TRMT9B: variants seen among roughly 807,000 people sequenced by gnomAD.
TRMT9B encodes probable tRNA methyltransferase 9B.
A neutral mutation model predicts 11.5 loss-of-function variants in TRMT9B; 16 were observed. That is an observed-to-expected ratio of 1.39 (90% confidence interval 0.94 to 2.11). The LOEUF is 2.11. Among genes scored for constraint, TRMT9B ranks in the 30% most tolerant of loss-of-function variants. The pLI is 0.00. For missense variants in TRMT9B, 941 were observed against 553.8 expected (o/e 1.70, Z -7.02); for synonymous variants, 274 against 192.4 (o/e 1.42, Z -3.51).
At chr8:12,967,100 G>A (rs1802925989) in intron 1 of TRMT9B, among the ~76,000 whole-genome samples, 1 of 152,188 alleles carries the variant, frequency 6.6e-6, no homozygotes, top group Non-Finnish European at 1.5e-5. Flanking sequence ...TTGAGAAGCA[G>A]AAATGTTTTA....
chr8:12,989,174 G>T (rs1806877603), intron 1 of TRMT9B, among the ~76,000 whole-genome samples: 1 of 152,096 alleles, frequency 6.6e-6, no homozygotes, highest in Non-Finnish European at 1.5e-5. Context: ...TATTTCAGAA[G>T]GTTTAAGGTA....
intron 2 of TRMT9B, among the ~76,000 whole-genome samples, chr8:12,994,214 T>C (rs1807920712): frequency 6.6e-6 from 1 of 152,224 alleles, no homozygotes; most frequent in South Asian, 2.1e-4. Flanking sequence ...ATAGTGGTCA[T>C]ATGTGTGTGC....
chr8:12,999,298 C>CAAAA (rs71207111), intron 2 of TRMT9B, among the ~76,000 whole-genome samples: 2 of 47,626 alleles, frequency 4.2e-5, no homozygotes, highest in Admixed American at 2.5e-4. Flanking sequence ...GACTCCATCT[C>CAAAA]AAAAAAAAAA....
rs564924183 is a variant in TRMT9B at position 12,992,697 on chromosome 8, A to T, written c.-2+1666A>T. Among the ~76,000 whole-genome samples, 7 of 151,712 alleles carry T rather than the reference A, an allele frequency of 4.6e-5. No homozygotes were observed. The South Asian group carries it at 1.5e-3, about 32-fold the overall frequency. On this transcript the variant is annotated intron_variant, in intron 2 of 4. Transcript: ENST00000524591. ...TGAAAACCCATCTCTACTAAAATACAAAAAAAGAAAAAAAAAAGCCAGGTG... is the reference window on the plus strand; with the variant it reads ...TGAAAACCCATCTCTACTAAAATACTAAAAAAGAAAAAAAAAAGCCAGGTG...
At chr8:13,015,529 T>A (rs1260793217) in intron 4 of TRMT9B, among the ~76,000 whole-genome samples, 1 of 150,814 alleles carries the variant, frequency 6.6e-6, no homozygotes. Flanking sequence ...TTTTTTCTAA[T>A]TTTTTTTGTA....
At chr8:12,978,504 AGATGATAGATAGAT>A (rs999885485) in intron 1 of TRMT9B, among the ~76,000 whole-genome samples, 4 of 28,522 alleles carry the variant, frequency 1.4e-4, no homozygotes, top group African/African-American at 5.9e-4. Context: ...AGAGATAGAC[AGATGATAGATAGAT>A]GATAGATAGA....
At chr8:12,962,527 A>G (rs1192359064) in intron 1 of TRMT9B, among the ~76,000 whole-genome samples, 1 of 151,780 alleles carries the variant, frequency 6.6e-6, no homozygotes, top group Non-Finnish European at 1.5e-5. Flanking sequence ...GTTCCCCTCT[A>G]TCACCCAGGC....
chr8:12,952,513 G>A (rs1226070109), intron 1 of TRMT9B, among the ~76,000 whole-genome samples: 2 of 152,240 alleles, frequency 1.3e-5, no homozygotes, highest in Non-Finnish European at 1.5e-5. Context: ...TCAGAATTCA[G>A]AGATAAAGGA....
chr8:12,952,233 G>C, intron 1 of TRMT9B: 1 of 443,992 alleles, frequency 2.3e-6, no homozygotes, highest in South Asian at 1.6e-5. Context: ...GTCTGCATAG[G>C]GGAGCGGAGA....
chr8:12,998,968 C>CTATCCCTGT (rs1274989832), intron 2 of TRMT9B, among the ~76,000 whole-genome samples: 1 of 152,166 alleles, frequency 6.6e-6, no homozygotes, highest in Non-Finnish European at 1.5e-5. Context: ...GTCCACCTCT[C>CTATCCCTGT]TATCCCTGTT....
In TRMT9B at chr8:13,021,194, C is replaced by A. The variant is rs1166375847; in HGVS notation, c.515C>A (p.Ser172Tyr). Residue 172 changes from serine to tyrosine, a missense_variant, in exon 5 of 5, where the codon TCC (serine) becomes TAC (tyrosine). Transcript: ENST00000524591. ...CTGTGTTCCCAGCTCTTCTCAGAGT[C>A]CAGCCAGTCTGGGAGGAAGAGGCAG... ...RALCSQLFSE[S>Y]SQSGRKRQCG... The A allele has an allele frequency of 5.0e-6, 8 of 1,613,716 alleles. No individual in the cohort carries two copies. Among genetic ancestry groups the A allele is most frequent in the South Asian group, 1.1e-5 (1 of 91,014 alleles).
At chr8:13,017,590 T>C (rs2466250) in intron 4 of TRMT9B, among the ~76,000 whole-genome samples, 9,777 of 150,690 alleles carry the variant, frequency 0.065, 406 homozygotes, top group African/African-American at 0.11. Flanking sequence ...ACATTTAATA[T>C]GTAATGAAGT....
At chr8:12,957,586 C>G (rs759082612) in intron 1 of TRMT9B, among the ~76,000 whole-genome samples, 1 of 152,020 alleles carries the variant, frequency 6.6e-6, no homozygotes, top group African/African-American at 2.4e-5. Flanking sequence ...ATTGTTCAAG[C>G]CAGGACACTT....
Position 12,976,088 on chromosome 8 carries a change from G to A in TRMT9B, c.-199-14746G>A, listed in dbSNP as rs150001782. Among the ~76,000 whole-genome samples, 5 of 152,290 alleles carry A rather than the reference G, an allele frequency of 3.3e-5. No individual in the cohort carries two copies. In the East Asian group the frequency reaches 9.6e-4, roughly 29 times the overall value. ...AGAGAACTAGACTTGGAAAATAAATGTGCCCCAGGGAAGCTCCACCATGCC... is the reference window on the plus strand; with the variant it reads ...AGAGAACTAGACTTGGAAAATAAATATGCCCCAGGGAAGCTCCACCATGCC... On this transcript the variant is annotated intron_variant, in intron 1 of 4. Coordinates refer to ENST00000524591, the MANE Select transcript of TRMT9B (RefSeq NM_020844.3).
At chr8:12,955,807 G>T (rs868669522) in intron 1 of TRMT9B, among the ~76,000 whole-genome samples, 13 of 152,184 alleles carry the variant, frequency 8.5e-5, no homozygotes, top group African/African-American at 2.7e-4. Flanking sequence ...GAAAGTAGGG[G>T]AGGGGACCTG....
At chr8:13,019,585 C>CA (rs1813422043) in intron 4 of TRMT9B, among the ~76,000 whole-genome samples, 1 of 152,234 alleles carries the variant, frequency 6.6e-6, no homozygotes, top group South Asian at 2.1e-4. Context: ...TGAGCCACTG[C>CA]ACACAGCACG....
intron 2 of TRMT9B, among the ~76,000 whole-genome samples, chr8:12,993,473 T>A (rs1033681537): frequency 6.6e-6 from 1 of 152,162 alleles, no homozygotes; most frequent in African/African-American, 2.4e-5. Context: ...GAAGGTTGTG[T>A]TGCCAACTCC....
chr8:13,006,536 A>T, intron 3 of TRMT9B, 180 bp downstream of exon 3: 2 of 1,433,274 alleles, frequency 1.4e-6, no homozygotes, highest in South Asian at 1.6e-5. Context: ...TTTCACATTG[A>T]TTTTTCATTT....
At chr8:13,006,806 T>A (rs1431608433) in intron 3 of TRMT9B, 1 of 363,114 alleles carries the variant, frequency 2.8e-6, no homozygotes, top group African/African-American at 2.1e-5. Flanking sequence ...ATAGCTATGA[T>A]TACAGGCACC....
Sources: allele counts gnomAD v4.1 joint callset (sites outside exome capture counted in the v4.1 genomes callset), GRCh38; gene constraint gnomAD v4.1.1; transcripts MANE v1.5; gene names NCBI Gene and HGNC (gene_info 2026-07-23, HGNC 2026-07-21).